ZNF274: variants seen among roughly 807,000 people sequenced by gnomAD.
ZNF274 encodes neurotrophin receptor-interacting factor homolog.
Under a neutral mutation model 42.5 loss-of-function variants are expected in ZNF274, and 23 were observed. That is an observed-to-expected ratio of 0.54 (90% CI 0.39 to 0.77). The LOEUF is 0.77. Ranked by LOEUF, ZNF274 falls within the 30% of genes least tolerant of loss-of-function variation. The pLI is 0.00. For synonymous variants in ZNF274, 292 were observed against 305.4 expected, an observed-to-expected ratio of 0.96 and a Z score of 0.46; for missense variants, 679 against 806.5, an observed-to-expected ratio of 0.84 and a Z score of 1.91.
At chr19:58,195,241 G>A (rs545208761) in intron 4 of ZNF274, among the ~76,000 whole-genome samples, 4 of 150,026 alleles carry the variant, frequency 2.7e-5, no homozygotes, top group Admixed American at 6.6e-5. Context: ...ATATGTGTGT[G>A]TATATATATA....
At chr19:58,188,706 A>ATG (rs2075741224) in intron 4 of ZNF274, among the ~76,000 whole-genome samples, 1 of 93,672 alleles carries the variant, frequency 1.1e-5, no homozygotes, top group Admixed American at 1.1e-4. Flanking sequence ...ATATATATAT[A>ATG]TATATATATA....
At chr19:58,202,430 T>C (rs1167244384) in intron 4 of ZNF274, 2 of 152,230 alleles carry the variant, frequency 1.3e-5, no homozygotes, top group Non-Finnish European at 2.9e-5. Flanking sequence ...AAACTCAGGC[T>C]CAAGAAGTTA....
intron 3 of ZNF274, 23 bp from the exon 4 acceptor site, chr19:58,186,924 C>G (rs1020733964): frequency 6.2e-7 from 1 of 1,603,536 alleles, no homozygotes; most frequent in Non-Finnish European, 8.5e-7. Flanking sequence ...CCCCACAAGC[C>G]CTGTCTCTTT....
intron 4 of ZNF274, among the ~76,000 whole-genome samples, chr19:58,194,565 GA>G (rs1254058389): frequency 6.6e-6 from 1 of 151,604 alleles, no homozygotes; most frequent in East Asian, 1.9e-4. Flanking sequence ...CTTTTTAGTA[GA>G]GACAGGGTTT....
intron 4 of ZNF274, among the ~76,000 whole-genome samples, chr19:58,193,304 G>A (rs1047016779): frequency 1.2e-4 from 18 of 151,402 alleles, no homozygotes; most frequent in East Asian, 3.9e-4. Context: ...CCGCCACCAC[G>A]CCCAGCTAAA....
chr19:58,203,174 C>A (rs939783093), intron 4 of ZNF274, among the ~76,000 whole-genome samples: 1 of 152,124 alleles, frequency 6.6e-6, no homozygotes, highest in Non-Finnish European at 1.5e-5. Context: ...AGCCCCCCCC[C>A]AGGAAGTACA....
At chr19:58,189,070 TA>T (rs909311011) in intron 4 of ZNF274, among the ~76,000 whole-genome samples, 3 of 152,116 alleles carry the variant, frequency 2.0e-5, no homozygotes, top group African/African-American at 7.2e-5. Flanking sequence ...GGACATATTT[TA>T]TAAATCTATG....
intron 4 of ZNF274, among the ~76,000 whole-genome samples, chr19:58,201,902 G>C (rs990280868): frequency 2.0e-5 from 3 of 152,176 alleles, no homozygotes; most frequent in Non-Finnish European, 2.9e-5. Context: ...TTCAAAAACT[G>C]AGTAACGTAA....
intron 4 of ZNF274, chr19:58,202,192 C>T (rs1204353929): frequency 6.6e-6 from 1 of 152,188 alleles, no homozygotes; most frequent in Non-Finnish European, 1.5e-5. Flanking sequence ...CATTGCTTTT[C>T]GTTATATTTT....
rs764846786 is a variant in ZNF274, at chr19:58,211,573, T to A, written c.866T>A (p.Phe289Tyr). ...VTVLPEEPVT[F>Y]QDVAVDFSRE... ...GTGATGTTACAGGAGCCAGTGACCT[T>A]CCAGGATGTGGCTGTGGACTTCAGC... is the stretch of plus-strand genomic sequence containing the variant. Residue 289 changes from phenylalanine (F) to tyrosine (Y), a missense_variant, in exon 7 of 8, where the codon TTC becomes TAC. By Grantham distance (22) the Phe-to-Tyr change is conservative. This residue lies in a region of ZNF274 where 456 missense variants were observed against 590.1 expected (regional missense o/e 0.77). Coordinates refer to ENST00000617501, the MANE Select transcript of ZNF274 (RefSeq NM_133502.3). This position sits in a 1 kb window ranked among gnomAD's most constrained non-coding sequence, Gnocchi z 4.8. 1 of 1,612,934 alleles carries A rather than the reference T, an allele frequency of 6.2e-7. No homozygotes were observed. The highest frequency in any genetic ancestry group is 1.3e-5 in the African/African-American group (1 of 74,872).
rs772613002 is a variant in ZNF274, at chr19:58,212,217, G to A, written c.1036G>A (p.Glu346Lys). 2.2e-5 allele frequency: 35 copies of A among 1,612,756 alleles called. No individual in the cohort carries two copies. The highest frequency in any genetic ancestry group is 2.8e-5 in the Non-Finnish European group (33 of 1,179,834). ...ELAPNSDIPE[E>K]EPAPSLKVQE... is the part of the protein sequence containing the mutation. ...AGCTCCAAATTCTGACATTCCTGAG[G>A]AAGAACCAGCCCCCAGCCTGAAAGT... The change falls in exon 8 of 8, where the codon GAA (glutamate) becomes AAA (lysine). Residue 346 changes from glutamate (E) to lysine (K), a missense_variant. Glu to Lys is a moderately conservative substitution (Grantham distance 56). Transcript: ENST00000617501. This position sits in a 1 kb window ranked among gnomAD's most constrained non-coding sequence, Gnocchi z 4.6.
intron 4 of ZNF274, among the ~76,000 whole-genome samples, chr19:58,193,151 CT>C (rs747568011): frequency 0.015 from 2,133 of 142,224 alleles, 45 homozygotes; most frequent in African/African-American, 0.048. Context: ...TATCTTTTTT[CT>C]TTTTTTTTTT....
Position 58,185,888 on chromosome 19 carries a change from G to A in ZNF274, c.160+50G>A, listed in dbSNP as rs769769663. 6.8e-6 allele frequency: 9 copies of A among 1,324,404 alleles called. No homozygotes were observed. In the Admixed American group the frequency reaches 2.7e-4, roughly 40 times the overall value. The allele number at this position is 1,324,404 out of a possible 1,614,324, so 82.0% of individuals were successfully genotyped here. ...AGGATCTGTGCTTTGTAGCACAAAT[G>A]TAGCACCTCTGAAGTATGTGTCTGC... On this transcript the variant is annotated intron_variant, in intron 3 of 7. Coordinates refer to ENST00000617501, the MANE Select transcript of ZNF274 (RefSeq NM_133502.3).
intron 4 of ZNF274, chr19:58,202,145 C>A (rs1377627100): frequency 2.6e-5 from 4 of 152,248 alleles, no homozygotes; most frequent in Non-Finnish European, 4.4e-5. Context: ...AGGGTAAGTA[C>A]TCTTCTGACT....
chr19:58,193,932 ATATATC>A (rs539237624), intron 4 of ZNF274, among the ~76,000 whole-genome samples: 188 of 152,114 alleles, frequency 1.2e-3, no homozygotes, highest in Non-Finnish European at 2.1e-3. Flanking sequence ...TCTCAAAAAA[ATATATC>A]TATATCTATA....
intron 4 of ZNF274, among the ~76,000 whole-genome samples, chr19:58,203,928 G>A (rs1045350369): frequency 6.6e-6 from 1 of 152,242 alleles, no homozygotes; most frequent in Non-Finnish European, 1.5e-5. Context: ...TCGCTGGAAG[G>A]ACGGCCTGGG....
At position 58,184,010 on chromosome 19, in the gene ZNF274, C is replaced by T. The variant is rs752171930; in HGVS notation, c.33+12C>T. Reference sequence around the variant, plus strand: ...CGGCCTGGTCCTGTGTGAGTAGAGGCTTCCTTCAGCTTTTGAGTCCGCTAC... The same window carrying T: ...CGGCCTGGTCCTGTGTGAGTAGAGGTTTCCTTCAGCTTTTGAGTCCGCTAC... On this transcript the variant is annotated intron_variant, in intron 2 of 7. Coordinates refer to ENST00000617501, the MANE Select transcript of ZNF274 (RefSeq NM_133502.3). 1.9e-5 allele frequency: 30 copies of T among 1,587,690 alleles called. No homozygotes were observed. The highest frequency in any genetic ancestry group is 3.6e-5 in the Admixed American group (2 of 55,590).
chr19:58,183,658 G>A, intron 1 of ZNF274: 1 of 319,396 alleles, frequency 3.1e-6, no homozygotes, highest in Non-Finnish European at 5.9e-6. Flanking sequence ...GGAGAGAACA[G>A]ATCGCCTCCG....
chr19:58,193,522 G>C (rs113652986), intron 4 of ZNF274, among the ~76,000 whole-genome samples: 6 of 138,362 alleles, frequency 4.3e-5, no homozygotes, highest in Non-Finnish European at 9.1e-5. Flanking sequence ...GTGCAATCTC[G>C]GCTCATTGCA....
Sources: gnomAD v4.1 joint callset for allele counts (sites outside exome capture counted in the v4.1 genomes callset) on GRCh38, gnomAD v4.1.1 for gene constraint, gnomAD v4.1.1 regional missense constraint, Gnocchi (gnomAD v3.1) non-coding constraint, MANE v1.5 for transcripts, NCBI Gene and HGNC (gene_info 2026-07-23, HGNC 2026-07-21) for gene names.